The following FHIP1A variants were observed in gnomAD, a reference collection of about 807,000 sequenced individuals.
FHIP1A encodes the protein FHF complex subunit HOOK interacting protein 1A.
Under a neutral mutation model 88.6 loss-of-function variants are expected in FHIP1A, and 61 were observed. That is an observed-to-expected ratio of 0.69 (90% CI 0.56 to 0.85). The LOEUF (loss-of-function observed/expected upper bound fraction) is 0.85, where lower values mean the gene tolerates loss of function less well. Among genes scored for constraint, FHIP1A ranks in the 40% least tolerant of loss-of-function variants. The probability of loss-of-function intolerance (pLI) is 0.00; values close to 1 mark genes in which losing one functional copy is unlikely to be tolerated. For missense variants in FHIP1A, 1,154 were observed against 1,273.5 expected, an observed-to-expected ratio of 0.91 and a Z score of 1.43; for synonymous variants, 478 against 496.0, an observed-to-expected ratio of 0.96 and a Z score of 0.48.
chr4:151,555,193 G>A (rs1732900437), intron 3 of FHIP1A, among the ~76,000 whole-genome samples: 1 of 152,092 alleles, frequency 6.6e-6, no homozygotes, highest in Non-Finnish European at 1.5e-5. Context: ...AGGTATTTGT[G>A]TCTCTGCATG....
intron 2 of FHIP1A, among the ~76,000 whole-genome samples, chr4:151,478,518 T>C (rs1352179570): frequency 1.3e-5 from 2 of 152,144 alleles, no homozygotes; most frequent in East Asian, 1.9e-4. Context: ...ATACTGCTTA[T>C]TGAGTGTCAG....
chr4:151,459,098 TAA>T (rs1729062165), intron 2 of FHIP1A, among the ~76,000 whole-genome samples: 1 of 152,066 alleles, frequency 6.6e-6, no homozygotes, highest in African/African-American at 2.4e-5. Flanking sequence ...CATGTGAACA[TAA>T]ACCCTGGGAA....
At chr4:151,476,581 A>T (rs949153718) in intron 2 of FHIP1A, among the ~76,000 whole-genome samples, 1 of 152,216 alleles carries the variant, frequency 6.6e-6, no homozygotes, top group Non-Finnish European at 1.5e-5. Flanking sequence ...TTAACATCAG[A>T]ACCCAAAATA....
In FHIP1A at chr4:151,582,121, G is replaced by A. The variant is rs147999789; in HGVS notation, c.732+4045G>A. 2.1e-3 allele frequency among the ~76,000 whole-genome samples: 318 copies of A among 152,192 alleles called. 6 individuals carry two copies. Among genetic ancestry groups the A allele is most frequent in the East Asian group, 1.9e-3 (10 of 5,190 alleles). ...TCAAGTGATGCAAATTAAAGCAAGCGACCTTTAGGTACACAGCCACAGGTA... is the reference window on the plus strand; with the variant it reads ...TCAAGTGATGCAAATTAAAGCAAGCAACCTTTAGGTACACAGCCACAGGTA... On this transcript the variant is annotated intron_variant, in intron 5 of 13. Transcript: ENST00000435205.
chr4:151,427,082 T>C (rs964682074), intron 1 of FHIP1A, among the ~76,000 whole-genome samples: 1 of 152,156 alleles, frequency 6.6e-6, no homozygotes, highest in Non-Finnish European at 1.5e-5. Context: ...GATCCTGTTA[T>C]AGGCTATTCA....
intron 7 of FHIP1A, among the ~76,000 whole-genome samples, chr4:151,623,462 A>T (rs1304085067): frequency 3.4e-5 from 5 of 145,888 alleles, no homozygotes; most frequent in Non-Finnish European, 7.5e-5. Flanking sequence ...CCCCGAAAAT[A>T]TGTACAGACA....
chr4:151,447,746 C>T (rs992214409), intron 1 of FHIP1A, among the ~76,000 whole-genome samples: 2 of 152,110 alleles, frequency 1.3e-5, no homozygotes, highest in Non-Finnish European at 2.9e-5. Flanking sequence ...TCATTTGATA[C>T]AAGTGGTATC....
intron 8 of FHIP1A, among the ~76,000 whole-genome samples, chr4:151,632,030 A>T (rs1017581538): frequency 2.0e-5 from 3 of 152,170 alleles, no homozygotes; most frequent in African/African-American, 7.2e-5. Context: ...AGAAGATCCA[A>T]GCATATACTG....
chr4:151,605,417 G>C (rs949397188), intron 7 of FHIP1A, among the ~76,000 whole-genome samples: 4 of 152,194 alleles, frequency 2.6e-5, no homozygotes, highest in African/African-American at 9.7e-5. Context: ...GCAGCTCACA[G>C]GCATTCGCAA....
chr4:151,496,906 A>G (rs930718506), intron 3 of FHIP1A, among the ~76,000 whole-genome samples: 2 of 151,898 alleles, frequency 1.3e-5, no homozygotes, highest in Non-Finnish European at 2.9e-5. Flanking sequence ...TGCTAGATAA[A>G]GAGAGCAAGT....
intron 3 of FHIP1A, among the ~76,000 whole-genome samples, chr4:151,565,245 A>G (rs1733338645): frequency 6.6e-6 from 1 of 152,172 alleles, no homozygotes; most frequent in African/African-American, 2.4e-5. Context: ...AACTAGTGAG[A>G]CAATACCACT....
Position 151,656,996 on chromosome 4 carries a change from C to T in FHIP1A, c.2869+98C>T. 1 of 1,170,718 alleles carries T rather than the reference C, an allele frequency of 8.5e-7. No individual in the cohort carries two copies. The highest frequency in any genetic ancestry group is 1.6e-5 in the African/African-American group (1 of 64,346). The allele number at this position is 1,170,718 out of a possible 1,614,324, so 72.5% of individuals were successfully genotyped here. On this transcript the variant is annotated intron_variant, in intron 13 of 13. Transcript: ENST00000435205. The surrounding 1 kb of genome is among the most constrained non-coding windows in gnomAD (Gnocchi z 4.2). ...ACAGATGCTGCACTGGCTTCTGGAT[C>T]CTAGAAGCATTCAGAGATATTTTCA...
At chr4:151,422,781 G>C (rs1371462930) in intron 1 of FHIP1A, among the ~76,000 whole-genome samples, 1 of 152,144 alleles carries the variant, frequency 6.6e-6, no homozygotes, top group East Asian at 1.9e-4. Flanking sequence ...ATGTAGACCT[G>C]CCCAGCTGGA....
intron 1 of FHIP1A, among the ~76,000 whole-genome samples, chr4:151,412,976 G>T (rs1752494199): frequency 6.6e-6 from 1 of 152,050 alleles, no homozygotes. Flanking sequence ...GAGCCACCGT[G>T]CCTGGCCCTC....
rs116276030 is a variant in FHIP1A at position 151,411,477 on chromosome 4, G to C, written c.-356+2012G>C. Among the ~76,000 whole-genome samples the C allele has an allele frequency of 7.5e-3, 1,131 of 151,642 alleles. 10 individuals are homozygous for C. Among genetic ancestry groups the C allele is most frequent in the African/African-American group, 0.026 (1,086 of 41,280 alleles). On this transcript the variant is annotated intron_variant, in intron 1 of 13. Transcript: ENST00000435205. ...CAGTCCTCCCACCTTAGCCTCCTGA[G>C]TAGCTGGGACCACAGGTTCATGCCA...
intron 10 of FHIP1A, among the ~76,000 whole-genome samples, chr4:151,647,490 C>G (rs1229456383): frequency 6.6e-6 from 1 of 152,162 alleles, no homozygotes; most frequent in Non-Finnish European, 1.5e-5. Context: ...GATATCCACC[C>G]CAACAATGTC....
intron 3 of FHIP1A, among the ~76,000 whole-genome samples, chr4:151,494,302 T>C (rs1232793147): frequency 6.6e-6 from 1 of 152,224 alleles, no homozygotes; most frequent in East Asian, 1.9e-4. Context: ...TTTATAGTTT[T>C]AGGTTTTACA....
At chr4:151,535,347 C>G (rs1418142872) in intron 3 of FHIP1A, among the ~76,000 whole-genome samples, 1 of 152,208 alleles carries the variant, frequency 6.6e-6, no homozygotes, top group Non-Finnish European at 1.5e-5. Flanking sequence ...TAAAATGGCA[C>G]TCTCTGGGGA....
chr4:151,526,174 G>A (rs1731626447), intron 3 of FHIP1A, among the ~76,000 whole-genome samples: 1 of 152,156 alleles, frequency 6.6e-6, no homozygotes, highest in African/African-American at 2.4e-5. Flanking sequence ...CACAGACACG[G>A]CAACCATCCG....
Sources: gnomAD v4.1 joint callset for allele counts (sites outside exome capture counted in the v4.1 genomes callset) on GRCh38, gnomAD v4.1.1 for gene constraint, Gnocchi (gnomAD v3.1) non-coding constraint, MANE v1.5 for transcripts, NCBI Gene and HGNC (gene_info 2026-07-23, HGNC 2026-07-21) for gene names.